Variants in RGS7 observed in about 807,000 individuals in gnomAD.
RGS7 encodes the protein regulator of G protein signaling 7, also known as regulator of G-protein signaling 7.
Under a neutral mutation model 81.1 loss-of-function variants are expected in RGS7, and 27 were observed. The observed-to-expected ratio is 0.33, with a 90% CI of 0.25 to 0.46. RGS7 has a LOEUF of 0.46. Ranked by LOEUF, RGS7 falls within the 20% of genes least tolerant of loss-of-function variation. The probability of loss-of-function intolerance (pLI) is 1.00; values close to 1 mark genes in which losing one functional copy is unlikely to be tolerated. For missense variants in RGS7, 396 were observed against 607.4 expected (o/e 0.65, Z 3.66); for synonymous variants, 208 against 207.7 (o/e 1.00, Z -0.01).
chr1:241,341,435 A>G (rs1023434544), intron 2 of RGS7, among the ~76,000 whole-genome samples: 2 of 152,208 alleles, frequency 1.3e-5, no homozygotes, highest in African/African-American at 4.8e-5. Flanking sequence ...AAAATGAAAA[A>G]CATAATTTGT....
rs1252709916 is a variant in RGS7, at chr1:240,882,590, G to A, written c.386-12471C>T. On this transcript the variant is annotated intron_variant, in intron 6 of 18. Coordinates refer to ENST00000440928, the MANE Select transcript of RGS7 (RefSeq NM_001364886.1). ...GTCTCAGTGATCACAAAACAGATAC[G>A]ACACACAAAACGTGAAGGCAGTGGC... Among the ~76,000 whole-genome samples, 5 of 152,026 alleles carry A rather than the reference G, an allele frequency of 3.3e-5. 1 individual carries two copies. Among genetic ancestry groups the A allele is most frequent in the African/African-American group, 7.2e-5 (3 of 41,382 alleles).
chr1:241,315,172 G>A (rs1271240900), intron 2 of RGS7, among the ~76,000 whole-genome samples: 2 of 131,972 alleles, frequency 1.5e-5, no homozygotes, highest in Admixed American at 1.9e-4. Flanking sequence ...TTGGGGCTGA[G>A]GGAGAGAGGA....
chr1:241,135,149 G>A lies in RGS7; in HGVS notation c.79-36387C>T, dbSNP rs191561022. 5.3e-4 allele frequency among the ~76,000 whole-genome samples: 80 copies of A among 152,274 alleles called. 1 individual carries two copies. Among genetic ancestry groups the A allele is most frequent in the African/African-American group, 1.8e-3 (76 of 41,560 alleles). ...CTCATTAAAACAGCATGTTGCGGCC[G>A]GGCGCGGTGGCTCATGCCTGTAATC... On this transcript the variant is annotated intron_variant, in intron 2 of 18. Transcript: ENST00000440928.
At chr1:240,825,729 A>G (rs939268788) in intron 10 of RGS7, among the ~76,000 whole-genome samples, 1 of 152,230 alleles carries the variant, frequency 6.6e-6, no homozygotes, top group African/African-American at 2.4e-5. Context: ...AAAGAACGAC[A>G]TTGTAAACTA....
chr1:241,075,400 C>A (rs1319058408), intron 3 of RGS7, among the ~76,000 whole-genome samples: 1 of 152,066 alleles, frequency 6.6e-6, no homozygotes, highest in Non-Finnish European at 1.5e-5. Context: ...TAACCCTAAC[C>A]CCCTTTTGAC....
Position 240,867,818 on chromosome 1 carries a change from T to C in RGS7, c.609+769A>G, listed in dbSNP as rs1489761158. Among the ~76,000 whole-genome samples, 4 of 151,944 alleles carry C rather than the reference T, an allele frequency of 2.6e-5. No individual in the cohort carries two copies. The East Asian group carries it at 7.7e-4, about 29-fold the overall frequency. ...GAGTTCAAGACCAGCCTGGGCACCA[T>C]GGCAAAACTCCATCTCTATCAAAAA... On this transcript the variant is annotated intron_variant, in intron 9 of 18. Transcript: ENST00000440928.
intron 4 of RGS7, among the ~76,000 whole-genome samples, chr1:240,975,061 A>T (rs556381442): frequency 5.4e-4 from 82 of 152,240 alleles, no homozygotes; most frequent in African/African-American, 1.9e-3. Flanking sequence ...GAAGCATGGG[A>T]TGATGGAGAG....
chr1:240,791,698 G>C (rs1269170547), intron 18 of RGS7, among the ~76,000 whole-genome samples: 1 of 152,132 alleles, frequency 6.6e-6, no homozygotes, highest in Non-Finnish European at 1.5e-5. Context: ...ATGACCCAGG[G>C]CTGTCTAGTA....
At position 240,870,174 on chromosome 1, in the gene RGS7, G is replaced by A. The variant is rs1158895567; in HGVS notation, c.386-55C>T. On this transcript the variant is annotated intron_variant, in intron 6 of 18. Coordinates refer to ENST00000440928, the MANE Select transcript of RGS7 (RefSeq NM_001364886.1). ...GCTTATCAACACCATGGCACTATAA[G>A]TAAAAGTACAACATTACAAATCAAG... The A allele has an allele frequency of 3.4e-6, 5 of 1,464,364 alleles. No homozygotes were observed. The Admixed American group carries it at 6.7e-5, about 20-fold the overall frequency. The allele number at this position is 1,464,364 out of a possible 1,614,324, so 90.7% of individuals were successfully genotyped here. A position where few individuals can be genotyped will look rare whatever the true frequency, so the allele number is the denominator to read the frequency against.
chr1:241,248,371 T>C lies in RGS7; in HGVS notation c.78+107328A>G, dbSNP rs578153180. 1.7e-3 allele frequency among the ~76,000 whole-genome samples: 254 copies of C among 148,104 alleles called. 2 individuals are homozygous for C. Among genetic ancestry groups the C allele is most frequent in the African/African-American group, 5.8e-3 (237 of 40,718 alleles). ...ATATATACATATATATATATACGTA[T>C]ATATATGTATATATACATACATACA... On this transcript the variant is annotated intron_variant, in intron 2 of 18. Coordinates refer to ENST00000440928, the MANE Select transcript of RGS7 (RefSeq NM_001364886.1).
intron 2 of RGS7, among the ~76,000 whole-genome samples, chr1:241,217,627 C>T (rs1179938277): frequency 6.6e-6 from 1 of 152,132 alleles, no homozygotes; most frequent in East Asian, 1.9e-4. Flanking sequence ...ACGTTTTAGA[C>T]TTTCCTTTTA....
intron 6 of RGS7, among the ~76,000 whole-genome samples, chr1:240,903,983 C>T (rs1048923009): frequency 6.6e-6 from 1 of 152,140 alleles, no homozygotes; most frequent in African/African-American, 2.4e-5. Context: ...CCAAATAAAC[C>T]TCTTTTGTTT....
chr1:241,311,414 T>C (rs1171415718), intron 2 of RGS7, among the ~76,000 whole-genome samples: 1 of 152,244 alleles, frequency 6.6e-6, no homozygotes, highest in Non-Finnish European at 1.5e-5. Flanking sequence ...TAGTTTTGTA[T>C]TTTCAAGACA....
chr1:240,989,150 C>T (rs1686089847), intron 3 of RGS7, among the ~76,000 whole-genome samples: 2 of 151,794 alleles, frequency 1.3e-5, no homozygotes, highest in South Asian at 2.1e-4. Context: ...TATTAAGATA[C>T]CCAATCAGGC....
At chr1:241,010,048 G>T (rs1013234504) in intron 3 of RGS7, among the ~76,000 whole-genome samples, 20 of 152,130 alleles carry the variant, frequency 1.3e-4, no homozygotes, top group African/African-American at 4.6e-4. Context: ...GTGTGGGGCT[G>T]GGGGAGGGAT....
intron 2 of RGS7, among the ~76,000 whole-genome samples, chr1:241,156,002 T>C (rs2069098449): frequency 2.0e-5 from 3 of 152,004 alleles, no homozygotes; most frequent in African/African-American, 7.3e-5. Context: ...TCAATCATAG[T>C]CCTACACACA....
chr1:241,027,114 G>A (rs2059829339), intron 3 of RGS7, among the ~76,000 whole-genome samples: 1 of 151,446 alleles, frequency 6.6e-6, no homozygotes, highest in South Asian at 2.1e-4. Flanking sequence ...GAGGCAGGAA[G>A]ATCACTTGAG....
intron 2 of RGS7, among the ~76,000 whole-genome samples, chr1:241,285,439 G>GTATT (rs1179544109): frequency 6.6e-6 from 1 of 152,062 alleles, no homozygotes; most frequent in Non-Finnish European, 1.5e-5. Context: ...GTTTTTTATT[G>GTATT]TAATTAGAGG....
chr1:240,953,571 A>G (rs1422223984), intron 4 of RGS7, among the ~76,000 whole-genome samples: 2 of 152,002 alleles, frequency 1.3e-5, no homozygotes, highest in Non-Finnish European at 2.9e-5. Context: ...TGATCAAAAC[A>G]GGTGGACTGC....
Sources: gnomAD v4.1 joint callset for allele counts (sites outside exome capture counted in the v4.1 genomes callset) on GRCh38, gnomAD v4.1.1 for gene constraint, MANE v1.5 for transcripts, NCBI Gene and HGNC (gene_info 2026-07-23, HGNC 2026-07-21) for gene names.